FARS2: variants seen among roughly 807,000 people sequenced by gnomAD.
FARS2 encodes the protein phenylalanine--tRNA ligase, mitochondrial.
Under a neutral mutation model 46.4 loss-of-function variants are expected in FARS2, and 40 were observed. That is an observed-to-expected ratio of 0.86 (90% CI 0.67 to 1.12). The LOEUF (loss-of-function observed/expected upper bound fraction) is 1.12, where lower values mean the gene tolerates loss of function less well. FARS2 is among the 50% of genes most tolerant of loss of function. The probability of loss-of-function intolerance (pLI) is 0.00; values close to 1 mark genes in which losing one functional copy is unlikely to be tolerated. For synonymous variants in FARS2, 234 were observed against 214.9 expected, an observed-to-expected ratio of 1.09 and a Z score of -0.78; for missense variants, 513 against 567.9, an observed-to-expected ratio of 0.90 and a Z score of 0.98.
rs1326263115 is a variant in FARS2 at position 5,677,851 on chromosome 6, A to G, written c.1217+64531A>G. Among the ~76,000 whole-genome samples, 5 of 152,196 alleles carry G rather than the reference A, an allele frequency of 3.3e-5. No individual in the cohort carries two copies. In the East Asian group the frequency reaches 9.6e-4, roughly 29 times the overall value. On this transcript the variant is annotated intron_variant, in intron 6 of 6. Transcript: ENST00000274680. Reference sequence around the variant, plus strand: ...GTAGGAATTATGTCTCATGCCCAGCACCAAGGAGGAGTGCAGTAAATGGGT... The same window carrying G: ...GTAGGAATTATGTCTCATGCCCAGCGCCAAGGAGGAGTGCAGTAAATGGGT...
chr6:5,598,850 T>C (rs1774349851), intron 5 of FARS2, among the ~76,000 whole-genome samples: 1 of 152,160 alleles, frequency 6.6e-6, no homozygotes, highest in African/African-American at 2.4e-5. Flanking sequence ...TCTGTGAGAT[T>C]TGGATGTTTG....
rs551213645 is a variant in FARS2, at chr6:5,492,579, A to T, written c.905-52601A>T. On this transcript the variant is annotated intron_variant, in intron 4 of 6. Coordinates refer to ENST00000274680, the MANE Select transcript of FARS2 (RefSeq NM_006567.5). ...AGCAAATATTTATTGAGTATCTGCT[A>T]TGTATTAAGCATTGTACTAGGTCTG... Among the ~76,000 whole-genome samples, 3 of 152,382 alleles carry T rather than the reference A, an allele frequency of 2.0e-5. No homozygotes were observed. In the East Asian group the frequency reaches 5.8e-4, roughly 29 times the overall value.
intron 1 of FARS2, among the ~76,000 whole-genome samples, chr6:5,350,151 C>T (rs1757483431): frequency 6.6e-6 from 1 of 150,402 alleles, no homozygotes; most frequent in Non-Finnish European, 1.5e-5. Flanking sequence ...ACATGGTGTG[C>T]ACCACCATGC....
At chr6:5,364,137 C>T (rs1220411748) in intron 1 of FARS2, among the ~76,000 whole-genome samples, 1 of 152,166 alleles carries the variant, frequency 6.6e-6, no homozygotes, top group Non-Finnish European at 1.5e-5. Flanking sequence ...CTCTAGAAAT[C>T]TCTGGGTCAC....
chr6:5,498,639 A>G (rs1007968001), intron 4 of FARS2, among the ~76,000 whole-genome samples: 1 of 152,152 alleles, frequency 6.6e-6, no homozygotes, highest in Non-Finnish European at 1.5e-5. Context: ...AGTTTACACA[A>G]AAAGTAGAGT....
intron 1 of FARS2, among the ~76,000 whole-genome samples, chr6:5,329,832 G>C (rs1770669999): frequency 6.6e-6 from 1 of 152,230 alleles, no homozygotes; most frequent in Non-Finnish European, 1.5e-5. Flanking sequence ...GCACTTTGAT[G>C]TGTTCACCAG....
intron 4 of FARS2, among the ~76,000 whole-genome samples, chr6:5,479,658 A>G (rs569251681): frequency 1.3e-5 from 2 of 152,378 alleles, no homozygotes; most frequent in Non-Finnish European, 2.9e-5. Context: ...TCTGCATAAT[A>G]AAGCAATTGC....
rs59995091 is a variant in FARS2, at chr6:5,548,840, T to A, written c.1065+3500T>A. On this transcript the variant is annotated intron_variant, in intron 5 of 6. Transcript: ENST00000274680. ...CTGCACTAATATATAATTTTTATAG[T>A]TGTCTTTGTGTAACAAACTTAAGAA... 3.4e-3 allele frequency among the ~76,000 whole-genome samples: 524 copies of A among 152,360 alleles called. 4 individuals carry two copies. The highest frequency in any genetic ancestry group is 0.012 in the African/African-American group (505 of 41,590).
chr6:5,491,259 A>G (rs1369252801), intron 4 of FARS2, among the ~76,000 whole-genome samples: 1 of 152,118 alleles, frequency 6.6e-6, no homozygotes, highest in African/African-American at 2.4e-5. Context: ...TCTTTTGCCC[A>G]TTTAAAAAAT....
intron 4 of FARS2, among the ~76,000 whole-genome samples, chr6:5,504,083 A>G (rs1767966145): frequency 6.6e-6 from 1 of 152,230 alleles, no homozygotes; most frequent in African/African-American, 2.4e-5. Context: ...TCACAAAAGC[A>G]GAGTAGGGAG....
At position 5,765,713 on chromosome 6, in the gene FARS2, A is replaced by G. The variant is rs985595722; in HGVS notation, c.1218-5578A>G. 6.6e-6 allele frequency among the ~76,000 whole-genome samples: 1 copy of G among 152,112 alleles called. No homozygotes were observed. The highest frequency in any genetic ancestry group is 2.4e-5 in the African/African-American group (1 of 41,406). ...GCAAGTACCAGCCCCTCCTGCTGTC[A>G]TGGGCGTACTAGGGAACAGTCCTTT... is the stretch of plus-strand genomic sequence containing the variant. On this transcript the variant is annotated intron_variant, in intron 6 of 6. Coordinates refer to ENST00000274680, the MANE Select transcript of FARS2 (RefSeq NM_006567.5). This position sits in a 1 kb window ranked among gnomAD's most constrained non-coding sequence, Gnocchi z 4.0.
chr6:5,754,022 CTAAA>C (rs1403357100), intron 6 of FARS2, among the ~76,000 whole-genome samples: 2 of 152,184 alleles, frequency 1.3e-5, no homozygotes, highest in African/African-American at 4.8e-5. Flanking sequence ...TTTTATTAAT[CTAAA>C]TAAATATGTG....
chr6:5,330,718 G>A lies in FARS2; in HGVS notation c.-21-37832G>A, dbSNP rs939004020. Among the ~76,000 whole-genome samples the A allele has an allele frequency of 2.0e-5, 3 of 152,126 alleles. No homozygotes were observed. In the South Asian group the frequency reaches 6.2e-4, roughly 32 times the overall value. On this transcript the variant is annotated intron_variant, in intron 1 of 6. Transcript: ENST00000274680. ...TATATTCGTTCACTCTTCTCTAATG[G>A]GGTAGTTAAAGTTGAGGAGTCAGAA...
chr6:5,422,673 C>G (rs1762619628), intron 3 of FARS2, among the ~76,000 whole-genome samples: 1 of 152,236 alleles, frequency 6.6e-6, no homozygotes. Flanking sequence ...ATGCCAGCCT[C>G]ACATCAGCGT....
Position 5,554,670 on chromosome 6 carries a change from A to C in FARS2, c.1065+9330A>C, listed in dbSNP as rs369901458. ...AGCCATTGAGCTAAATGCTTTGCCT[A>C]TGTTAGAGCTTTTATGCATCACAGT... On this transcript the variant is annotated intron_variant, in intron 5 of 6. Transcript: ENST00000274680. Among the ~76,000 whole-genome samples, 37 of 152,306 alleles carry C rather than the reference A, an allele frequency of 2.4e-4. No individual in the cohort carries two copies. In the South Asian group the frequency reaches 6.6e-3, roughly 27 times the overall value.
intron 6 of FARS2, among the ~76,000 whole-genome samples, chr6:5,671,436 G>A (rs1300596972): frequency 2.6e-5 from 4 of 152,216 alleles, no homozygotes; most frequent in African/African-American, 9.6e-5. Flanking sequence ...CTGGGGCTCT[G>A]CTCAGTTCTC....
intron 6 of FARS2, among the ~76,000 whole-genome samples, chr6:5,650,259 CTTTTTT>C (rs55926813): frequency 6.0e-5 from 7 of 115,790 alleles, no homozygotes; most frequent in East Asian, 2.5e-4. Flanking sequence ...GGCCACATTT[CTTTTTT>C]TTTTTTTTTT....
chr6:5,542,067 C>T (rs925322327), intron 4 of FARS2, among the ~76,000 whole-genome samples: 11 of 152,288 alleles, frequency 7.2e-5, no homozygotes, highest in East Asian at 1.9e-4. Context: ...CCACTTTTGT[C>T]GCCATCTTGG....
intron 6 of FARS2, among the ~76,000 whole-genome samples, chr6:5,719,719 A>T (rs1759765915): frequency 1.3e-5 from 2 of 152,236 alleles, no homozygotes. Context: ...TTGGTGTGAC[A>T]CTAACAGAGA....
Sources: gnomAD v4.1 joint callset for allele counts (sites outside exome capture counted in the v4.1 genomes callset) on GRCh38, gnomAD v4.1.1 for gene constraint, Gnocchi (gnomAD v3.1) non-coding constraint, MANE v1.5 for transcripts, NCBI Gene and HGNC (gene_info 2026-07-23, HGNC 2026-07-21) for gene names.